PDE4DIP: variants seen among roughly 807,000 people sequenced by gnomAD.
PDE4DIP encodes the protein phosphodiesterase 4D interacting protein, also known as myomegalin.
PDE4DIP carries 59 observed loss-of-function variants against 221.4 expected under a neutral mutation model. That is an observed-to-expected ratio of 0.27 (90% CI 0.22 to 0.33). PDE4DIP has a LOEUF of 0.33. Among genes scored for constraint, PDE4DIP ranks in the 10% least tolerant of loss-of-function variants. The pLI is 1.00. For missense variants in PDE4DIP, 1,036 were observed against 2,154.2 expected, an observed-to-expected ratio of 0.48 and a Z score of 10.28; for synonymous variants, 404 against 815.9, an observed-to-expected ratio of 0.50 and a Z score of 8.60.
chr1:148,981,202 G>C (rs2061020693), intron 20 of PDE4DIP, 68 bp from the exon 24 acceptor site: 2 of 1,494,936 alleles, frequency 1.3e-6, no homozygotes. Flanking sequence ...TGGTTCTTTG[G>C]AAACAAATGT....
intron 42 of PDE4DIP, 35 bp downstream of exon 45, chr1:149,029,960 G>A: frequency 2.0e-6 from 2 of 987,388 alleles, no homozygotes; most frequent in South Asian, 1.5e-5. Context: ...GGAAGAAACA[G>A]GCAGTCTTCC....
exon 24 of PDE4DIP, chr1:149,001,884 G>C (rs1553578233): frequency 6.2e-7 from 1 of 1,614,002 alleles, no homozygotes; most frequent in Non-Finnish European, 8.5e-7. Context: ...CATCTGACCA[G>C]CACCATTGAA....
At chr1:148,929,217 A>G in exon 2 of PDE4DIP, 2 of 1,613,730 alleles carry the variant, frequency 1.2e-6, no homozygotes, top group Non-Finnish European at 8.5e-7. Flanking sequence ...TGAAGGTTGA[A>G]GTGGAGAGCT....
chr1:148,929,412 T>G lies in PDE4DIP; in HGVS notation c.218+139T>G, dbSNP rs1365368008. On this transcript the variant is annotated intron_variant, in intron 2 of 43. Coordinates refer to ENST00000369354, the Ensembl canonical transcript of PDE4DIP. Reference sequence around the variant, plus strand: ...GATTCAGGAACTGAAACAATAGATTTTCATATGCTGTGTTTCCCTTGGGCT... The same window carrying G: ...GATTCAGGAACTGAAACAATAGATTGTCATATGCTGTGTTTCCCTTGGGCT... 45 of 1,252,842 alleles carry G rather than the reference T, an allele frequency of 3.6e-5. No homozygotes were observed. The Middle Eastern group carries it at 1.3e-3, about 36-fold the overall frequency. 77.6% of individuals were successfully genotyped at this position (1,252,842 alleles called of 1,614,324 possible). A position where few individuals can be genotyped will look rare whatever the true frequency, so the allele number is the denominator to read the frequency against.
chr1:149,004,218 T>A (rs1331390697), intron 26 of PDE4DIP, among the ~76,000 whole-genome samples: 4 of 151,884 alleles, frequency 2.6e-5, no homozygotes, highest in Admixed American at 2.6e-4. Context: ...AGTTTCTTCA[T>A]GTGTTAAAAT....
chr1:149,001,967 C>T, exon 24 of PDE4DIP: 1 of 1,127,146 alleles, frequency 8.9e-7, no homozygotes. Context: ...GACTGTGAGG[C>T]CTTTCCCCAG....
intron 5 of PDE4DIP, chr1:148,952,145 C>G (rs1353913807): frequency 3.9e-6 from 4 of 1,032,026 alleles, no homozygotes; most frequent in Non-Finnish European, 4.7e-6. Flanking sequence ...GGCACTGGTG[C>G]GACTTTCAGG....
At chr1:148,984,697 C>G (rs587657312) in intron 21 of PDE4DIP, 4 of 152,150 alleles carry the variant, frequency 2.6e-5, no homozygotes, top group African/African-American at 7.2e-5. Context: ...AGTAGCAGAT[C>G]ACATTATACT....
At chr1:148,958,491 T>A (rs1553504835) in intron 5 of PDE4DIP, among the ~76,000 whole-genome samples, 12 of 152,344 alleles carry the variant, frequency 7.9e-5, no homozygotes, top group Non-Finnish European at 4.4e-5. Context: ...GGATGTGACC[T>A]GGTGCCTGCC....
At chr1:148,982,872 T>C (rs2061337979) in intron 21 of PDE4DIP, 1 of 152,140 alleles carries the variant, frequency 6.6e-6, no homozygotes, top group Non-Finnish European at 1.5e-5. Flanking sequence ...TTTCATCTGT[T>C]TCTGTAACTT....
chr1:148,961,198 C>T (rs1398823850), intron 6 of PDE4DIP, among the ~76,000 whole-genome samples: 1 of 152,106 alleles, frequency 6.6e-6, no homozygotes, highest in Non-Finnish European at 1.5e-5. Flanking sequence ...ATCCCACCTA[C>T]TCGGGAGGCT....
intron 5 of PDE4DIP, among the ~76,000 whole-genome samples, chr1:148,949,230 TA>T (rs1390953198): frequency 1.4e-3 from 205 of 151,644 alleles, no homozygotes; most frequent in African/African-American, 4.6e-3. Flanking sequence ...ATACATAATG[TA>T]AAAAATTATA....
chr1:148,978,477 T>C, intron 19 of PDE4DIP, 62 bp downstream of exon 22: 2 of 1,208,516 alleles, frequency 1.7e-6, no homozygotes, highest in South Asian at 3.2e-5. Flanking sequence ...CTTTTTTTTT[T>C]TTTTAGTAGA....
intron 1 of PDE4DIP, among the ~76,000 whole-genome samples, chr1:148,817,989 G>T (rs1668206648): frequency 6.8e-6 from 1 of 147,844 alleles, no homozygotes; most frequent in African/African-American, 2.5e-5. Context: ...GCTAATTTTT[G>T]TATTTTTATT....
chr1:148,847,727 G>A (rs622184), intron 1 of PDE4DIP, among the ~76,000 whole-genome samples: 128 of 7,382 alleles, frequency 0.017, no homozygotes, highest in East Asian at 0.061. Context: ...AATTAGCCCG[G>A]CGTGGTTGCA....
chr1:148,813,794 A>C (rs1667066752), intron 1 of PDE4DIP, among the ~76,000 whole-genome samples: 1 of 122,118 alleles, frequency 8.2e-6, no homozygotes, highest in African/African-American at 3.3e-5. Flanking sequence ...TTTTTTTTGC[A>C]TGTAGATGTA....
At chr1:149,006,556 T>C (rs2067105298) in intron 27 of PDE4DIP, 1 of 152,136 alleles carries the variant, frequency 6.6e-6, no homozygotes, top group Non-Finnish European at 1.5e-5. Flanking sequence ...GAAATGATGC[T>C]AATTATTCAT....
chr1:148,906,876 C>A, intron 1 of PDE4DIP, among the ~76,000 whole-genome samples: 1 of 141,570 alleles, frequency 7.1e-6, no homozygotes, highest in African/African-American at 2.7e-5. Flanking sequence ...TGTACTAAAC[C>A]TATCTGTACT....
intron 27 of PDE4DIP, chr1:149,006,348 A>G (rs1298455123): frequency 3.3e-5 from 5 of 152,082 alleles, no homozygotes; most frequent in Non-Finnish European, 7.3e-5. Flanking sequence ...TCATGGTTCT[A>G]TGGTTTGACT....
Sources: allele counts gnomAD v4.1 joint callset (sites outside exome capture counted in the v4.1 genomes callset), GRCh38; gene constraint gnomAD v4.1.1; transcripts MANE v1.5; gene names NCBI Gene and HGNC (gene_info 2026-07-23, HGNC 2026-07-21).